The following MFNG variants were observed in gnomAD, a reference collection of about 807,000 sequenced individuals.
MFNG encodes MFNG O-fucosylpeptide 3-beta-N-acetylglucosaminyltransferase, also known as beta-1,3-N-acetylglucosaminyltransferase manic fringe.
MFNG carries 24 observed loss-of-function variants against 34.2 expected under a neutral mutation model. The observed-to-expected ratio is 0.70, with a 90% CI of 0.51 to 0.99. The LOEUF (loss-of-function observed/expected upper bound fraction) is 0.99. Among genes scored for constraint, MFNG ranks in the 50% least tolerant of loss-of-function variants. The pLI, the probability that MFNG is intolerant of heterozygous loss-of-function variation, is 0.00. For synonymous variants in MFNG, 158 were observed against 179.2 expected (o/e 0.88, Z 0.94); for missense variants, 383 against 424.0 (o/e 0.90, Z 0.85).
intron 5 of MFNG, among the ~76,000 whole-genome samples, 179 bp from the exon 6 acceptor site, chr22:37,474,856 T>G (rs1921970620): frequency 6.6e-6 from 1 of 152,224 alleles, no homozygotes; most frequent in Non-Finnish European, 1.5e-5. Context: ...AGTCTCCTGT[T>G]CTGTGAAATG....
Position 37,485,492 on chromosome 22 carries a change from C to T in MFNG, c.255+431G>A, listed in dbSNP as rs1922504103. On this transcript the variant is annotated intron_variant, in intron 1 of 7. Coordinates refer to ENST00000356998, the MANE Select transcript of MFNG (RefSeq NM_002405.4). This position sits in a 1 kb window ranked among gnomAD's most constrained non-coding sequence, Gnocchi z 5.3. ...AGCACCTAGGGCCTGGGTGGGACAG[C>T]CTGGCCTGGGCACGGGTCTGGGTCA... 6.6e-6 allele frequency among the ~76,000 whole-genome samples: 1 copy of T among 152,184 alleles called. No individual in the cohort carries two copies. The highest frequency in any genetic ancestry group is 6.5e-5 in the Admixed American group (1 of 15,278).
rs1001279153 is a variant in MFNG at position 37,480,756 on chromosome 22, G to A, written c.269C>T (p.Thr90Ile). Residue 90 changes from threonine to isoleucine, a missense_variant, in exon 2 of 8, where the codon ACC becomes ATC. Coordinates refer to ENST00000356998, the MANE Select transcript of MFNG (RefSeq NM_002405.4). ...CTGGAGGCCTTTGTCTGGGCTGTCG[G>A]TGAAGACAAATGTCTAGGAAGGAGA... ...SRTREQTFVF[T>I]DSPDKGLQER... 2.5e-6 allele frequency: 4 copies of A among 1,613,462 alleles called. No homozygotes were observed. The African/African-American group carries it at 5.3e-5, about 22-fold the overall frequency.
In MFNG at chr22:37,469,984, A is replaced by G; in HGVS notation, c.945T>C (p.Cys315=). 1 of 1,608,974 alleles carries G rather than the reference A, an allele frequency of 6.2e-7. No homozygotes were observed. The highest frequency in any genetic ancestry group is 1.3e-5 in the African/African-American group (1 of 74,894). Residue 315 remains cysteine (C), a synonymous_variant, in exon 8 of 8, where the codon TGT becomes TGC. Coordinates refer to ENST00000356998, the MANE Select transcript of MFNG (RefSeq NM_002405.4). ...HCLLYPDTPW[C]PQLGAR ...GGATTCATCGGGCACCCAGCTGGGG[A>G]CACCAGGGTGTATCTGGATAGAGCA...
chr22:37,474,680 G>A lies in MFNG; in HGVS notation c.648-3C>T, dbSNP rs1288062250. On this transcript the variant is annotated splice_region_variant and splice_polypyrimidine_tract_variant and intron_variant, in intron 5 of 7. Coordinates refer to ENST00000356998, the MANE Select transcript of MFNG (RefSeq NM_002405.4). ...ATGTGTCCATGAAACGGGAGCCACT[G>A]AGGGACAGAGCCAGACTGCAGACGC... is the stretch of plus-strand genomic sequence containing the variant. The A allele has an allele frequency of 1.9e-6, 3 of 1,594,566 alleles. No homozygotes were observed. The highest frequency in any genetic ancestry group is 2.3e-5 in the South Asian group (2 of 88,244).
In MFNG at chr22:37,482,270, C is replaced by G. The variant is rs1253684045; in HGVS notation, c.256-1501G>C. Among the ~76,000 whole-genome samples the G allele has an allele frequency of 6.6e-6, 1 of 152,198 alleles. No individual in the cohort carries two copies. The highest frequency in any genetic ancestry group is 1.5e-5 in the Non-Finnish European group (1 of 68,026). The stretch of plus-strand genomic sequence containing the variant: ...ATCGAGTAACACCCAACTCCACCCA[C>G]CAGCCACTAACACCTTCCATGGCTC... On this transcript the variant is annotated intron_variant, in intron 1 of 7. Coordinates refer to ENST00000356998, the MANE Select transcript of MFNG (RefSeq NM_002405.4). The surrounding 1 kb of genome is among the most constrained non-coding windows in gnomAD (Gnocchi z 4.1).
intron 7 of MFNG, 35 bp from the exon 8 acceptor site, chr22:37,470,064 C>A (rs756076755): frequency 5.9e-6 from 9 of 1,517,390 alleles, no homozygotes; most frequent in Non-Finnish European, 8.1e-6. Context: ...GGATGGTCAC[C>A]CCCCACTTCT....
At position 37,479,462 on chromosome 22, in the gene MFNG, G is replaced by A. The variant is rs368364230; in HGVS notation, c.444C>T (p.Asn148=). 42 of 1,611,046 alleles carry A rather than the reference G, an allele frequency of 2.6e-5. No individual in the cohort carries two copies. Among genetic ancestry groups the A allele is most frequent in the Non-Finnish European group, 3.6e-5 (42 of 1,178,774 alleles). The change falls in exon 4 of 8, where the codon AAC becomes AAT. Residue 148 remains asparagine (N), a synonymous_variant. Transcript: ENST00000356998. ...FCHVDDDNYV[N]PRALLQLLRA... ...TCAGAAGCTGCAGCAGCGCCCTTGG[G>A]TTCACATAGTTGTCATCGTCCACAT...
intron 7 of MFNG, 29 bp from the exon 8 acceptor site, chr22:37,470,058 G>A (rs751691455): frequency 1.3e-6 from 2 of 1,546,844 alleles, no homozygotes; most frequent in East Asian, 2.3e-5. Context: ...AGGACAGGAT[G>A]GTCACCCCCC....
intron 6 of MFNG, 61 bp downstream of exon 6, chr22:37,474,451 G>C: frequency 6.3e-7 from 1 of 1,582,378 alleles, no homozygotes; most frequent in Non-Finnish European, 8.6e-7. Flanking sequence ...GAGGGTTGGG[G>C]GGACCCCATG....
chr22:37,482,460 T>TACAC lies in MFNG; in HGVS notation c.256-1695_256-1692dup, dbSNP rs142031748. Among the ~76,000 whole-genome samples, 234 of 148,622 alleles carry TACAC rather than the reference T, an allele frequency of 1.6e-3. 1 individual carries two copies. Among genetic ancestry groups the TACAC allele is most frequent in the East Asian group, 0.013 (67 of 5,058 alleles). On this transcript the variant is annotated intron_variant, in intron 1 of 7. Coordinates refer to ENST00000356998, the MANE Select transcript of MFNG (RefSeq NM_002405.4). The surrounding 1 kb of genome is among the most constrained non-coding windows in gnomAD (Gnocchi z 4.1). ...ACACACACGCACACACACGCACGCA[T>TACAC]ACACACACACACACACACACGCACG...
intron 5 of MFNG, 129 bp downstream of exon 5, chr22:37,476,767 G>T: frequency 1.3e-6 from 1 of 774,510 alleles, no homozygotes; most frequent in South Asian, 1.6e-5. Context: ...GCCGCTCTGT[G>T]ACACACGCAA....
At position 37,486,034 on chromosome 22, in the gene MFNG, G is replaced by C; in HGVS notation, c.144C>G (p.Pro48=). The change falls in exon 1 of 8, where the codon CCC becomes CCG. Residue 48 remains proline (P), a synonymous_variant. Coordinates refer to ENST00000356998, the MANE Select transcript of MFNG (RefSeq NM_002405.4). Reference sequence around the variant, plus strand: ...AGACATCGTGTAGCTGTAGCTTAGGGGGCCCCGGGTTCGGCTGGCTCAGCT... The same window carrying C: ...AGACATCGTGTAGCTGTAGCTTAGGCGGCCCCGGGTTCGGCTGGCTCAGCT... ...TPELSQPNPG[P]PKLQLHDVFI... 6.2e-7 allele frequency: 1 copy of C among 1,614,062 alleles called. No homozygotes were observed. The highest frequency in any genetic ancestry group is 8.5e-7 in the Non-Finnish European group (1 of 1,179,980).
rs1921822966 is a variant in MFNG at position 37,471,886 on chromosome 22, A to T, written c.899+557T>A. ...AGCTGGCAGGTGCTGGTGTGTGGAA[A>T]GGAAGCTGCATATCACAGGCTATGC... On this transcript the variant is annotated intron_variant, in intron 7 of 7. Transcript: ENST00000356998. Among the ~76,000 whole-genome samples, 3 of 150,600 alleles carry T rather than the reference A, an allele frequency of 2.0e-5. No individual in the cohort carries two copies. The South Asian group carries it at 6.3e-4, about 32-fold the overall frequency.
Position 37,479,484 on chromosome 22 carries a change from A to G in MFNG, c.422T>C (p.Val141Ala), listed in dbSNP as rs948603633. ...TGGGTTCACATAGTTGTCATCGTCC[A>G]CATGGCAGAACCACCTGTAGGGATG... ...LASGLRWFCH[V>A]DDDNYVNPRA... Residue 141 changes from valine to alanine, a missense_variant, in exon 4 of 8, where the codon GTG becomes GCG. Transcript: ENST00000356998. The G allele has an allele frequency of 1.9e-6, 3 of 1,610,758 alleles. No homozygotes were observed. The highest frequency in any genetic ancestry group is 2.5e-6 in the Non-Finnish European group (3 of 1,178,600).
chr22:37,477,167 A>T (rs1443257808), intron 4 of MFNG, among the ~76,000 whole-genome samples, 186 bp from the exon 5 acceptor site: 1 of 152,252 alleles, frequency 6.6e-6, no homozygotes, highest in African/African-American at 2.4e-5. Flanking sequence ...AGAGGCCCGA[A>T]GTCACATAGT....
intron 4 of MFNG, among the ~76,000 whole-genome samples, chr22:37,477,304 C>G (rs1457381050): frequency 2.0e-5 from 3 of 152,180 alleles, no homozygotes; most frequent in African/African-American, 7.2e-5. Flanking sequence ...CTACCTCACT[C>G]CATGTGGCTT....
At chr22:37,472,723 T>G in intron 6 of MFNG, 195 bp from the exon 7 acceptor site, 1 of 511,800 alleles carries the variant, frequency 2.0e-6, no homozygotes, top group Admixed American at 4.3e-5. Flanking sequence ...GCCATGCCCT[T>G]AATCCCATTT....
intron 1 of MFNG, chr22:37,484,504 C>T (rs552636514): frequency 6.6e-6 from 1 of 152,534 alleles, no homozygotes; most frequent in South Asian, 2.1e-4. Flanking sequence ...GGTTCTAGGT[C>T]CCACTGGGCT....
chr22:37,477,548 G>C (rs1276840153), intron 4 of MFNG, among the ~76,000 whole-genome samples: 1 of 152,116 alleles, frequency 6.6e-6, no homozygotes, highest in Non-Finnish European at 1.5e-5. Context: ...CCAGGTTCAA[G>C]CGATTCTCCA....
Sources: gnomAD v4.1 joint callset for allele counts (sites outside exome capture counted in the v4.1 genomes callset) on GRCh38, gnomAD v4.1.1 for gene constraint, Gnocchi (gnomAD v3.1) non-coding constraint, MANE v1.5 for transcripts, NCBI Gene and HGNC (gene_info 2026-07-23, HGNC 2026-07-21) for gene names.